Variants in ASH2L observed in about 807,000 individuals in gnomAD.
ASH2L encodes set1/Ash2 histone methyltransferase complex subunit ASH2.
In ASH2L, 30 loss-of-function variants were observed where a neutral mutation model predicts 81.1. The observed-to-expected ratio is 0.37, with a 90% confidence interval of 0.28 to 0.50. The LOEUF is 0.50. Among genes scored for constraint, ASH2L ranks in the 20% least tolerant of loss-of-function variants. The pLI is 0.95. For missense variants in ASH2L, 559 were observed against 792.1 expected (o/e 0.71, Z 3.53); for synonymous variants, 273 against 279.9 (o/e 0.98, Z 0.24).
At chr8:38,133,012 G>A (rs1182812204) in intron 12 of ASH2L, among the ~76,000 whole-genome samples, 2 of 151,896 alleles carry the variant, frequency 1.3e-5, no homozygotes, top group East Asian at 1.9e-4. Flanking sequence ...GCTTGAACCC[G>A]GGAGGCGGAG....
intron 9 of ASH2L, among the ~76,000 whole-genome samples, chr8:38,119,583 A>G (rs1207988215): frequency 6.6e-6 from 1 of 152,056 alleles, no homozygotes. Flanking sequence ...AGGAGGGTGG[A>G]TCACTTGAGG....
At chr8:38,115,830 A>G (rs1186542392) in intron 7 of ASH2L, among the ~76,000 whole-genome samples, 1 of 152,192 alleles carries the variant, frequency 6.6e-6, no homozygotes, top group African/African-American at 2.4e-5. Flanking sequence ...TTCTGAAACT[A>G]TTCTGATCCT....
intron 5 of ASH2L, 85 bp downstream of exon 5, chr8:38,110,918 C>A: frequency 2.6e-6 from 3 of 1,141,818 alleles, no homozygotes; most frequent in East Asian, 2.5e-5. Context: ...TACTTTCTTC[C>A]CAGTTTTTAT....
At chr8:38,131,365 A>G (rs572245488) in intron 12 of ASH2L, among the ~76,000 whole-genome samples, 1 of 152,324 alleles carries the variant, frequency 6.6e-6, no homozygotes, top group East Asian at 1.9e-4. Context: ...TAAAAAAAAA[A>G]ACAAATTTTT....
chr8:38,121,230 G>A (rs984615823), intron 10 of ASH2L, 81 bp downstream of exon 10: 4 of 1,280,072 alleles, frequency 3.1e-6, no homozygotes, highest in African/African-American at 1.5e-5. Flanking sequence ...AGAATTAGGT[G>A]TACATCTCAG....
chr8:38,131,931 C>T (rs986622006), intron 12 of ASH2L, among the ~76,000 whole-genome samples: 5 of 151,990 alleles, frequency 3.3e-5, no homozygotes, highest in Admixed American at 1.3e-4. Context: ...ATACTGCAGC[C>T]TCTGCCTCCC....
intron 1 of ASH2L, 116 bp downstream of exon 1, chr8:38,105,854 G>T: frequency 7.0e-7 from 1 of 1,437,018 alleles, no homozygotes; most frequent in Non-Finnish European, 9.1e-7. Flanking sequence ...GCCGCCAATG[G>T]CTCGCCCTGC....
rs773379734 is a variant in ASH2L at position 38,107,872 on chromosome 8, G to A, written c.401+706G>A. 9.3e-5 allele frequency among the ~76,000 whole-genome samples: 11 copies of A among 117,972 alleles called. No individual in the cohort carries two copies. The South Asian group carries it at 1.7e-3, about 18-fold the overall frequency. 77.4% of individuals were successfully genotyped at this position (117,972 alleles called of 152,430 possible). A position where few individuals can be genotyped will look rare whatever the true frequency, so the allele number is the denominator to read the frequency against. On this transcript the variant is annotated intron_variant, in intron 3 of 15. Coordinates refer to ENST00000343823, the MANE Select transcript of ASH2L (RefSeq NM_004674.5). ...AGATTGTGAAGAAATACATATATGT[G>A]TGTGTGTGTGTGTGTGTGTGTGTGT...
At chr8:38,113,739 G>A (rs1460847378) in intron 5 of ASH2L, among the ~76,000 whole-genome samples, 2 of 152,220 alleles carry the variant, frequency 1.3e-5, no homozygotes, top group Non-Finnish European at 2.9e-5. Flanking sequence ...GTTATCAGGA[G>A]CAAGAATAGA....
intron 3 of ASH2L, among the ~76,000 whole-genome samples, chr8:38,108,006 C>T (rs1810524173): frequency 1.3e-5 from 2 of 151,846 alleles, no homozygotes; most frequent in Admixed American, 1.3e-4. Flanking sequence ...AGGATCACAG[C>T]TTTCTGCAGC....
Position 38,139,816 on chromosome 8 carries a change from G to C in ASH2L, c.*745G>C, listed in dbSNP as rs1802403927. On this transcript the variant is annotated 3_prime_UTR_variant, in exon 16 of 16. Transcript: ENST00000343823. ...GGAGGAAGAGCCGGGTTTCTGAGTT[G>C]TGTTTTGGCTGCTTTCCTATTGCTC... is the stretch of plus-strand genomic sequence containing the variant. The C allele has an allele frequency of 6.6e-6, 1 of 152,190 alleles. No homozygotes were observed. The highest frequency in any genetic ancestry group is 1.5e-5 in the Non-Finnish European group (1 of 68,050). The allele number at this position is 152,190 out of a possible 1,614,324, so 9.4% of individuals were successfully genotyped here.
chr8:38,106,214 C>T (rs1020802213), intron 1 of ASH2L, 164 bp from the exon 2 acceptor site: 2 of 1,429,764 alleles, frequency 1.4e-6, no homozygotes, highest in Non-Finnish European at 1.9e-6. Context: ...TGTCCACCTT[C>T]TCAGTATCCT....
chr8:38,128,831 C>T lies in ASH2L; in HGVS notation c.1407C>T (p.His469=), dbSNP rs1372978967. The T allele has an allele frequency of 6.2e-7, 1 of 1,614,182 alleles. No individual in the cohort carries two copies. Among genetic ancestry groups the T allele is most frequent in the Admixed American group, 1.7e-5 (1 of 60,014 alleles). Reference sequence around the variant, plus strand: ...GGAGCAAAAAGGGAACCAAGTTCCACCAGTCCATTGGCAAACACTACTCTT... The same window carrying T: ...GGAGCAAAAAGGGAACCAAGTTCCATCAGTCCATTGGCAAACACTACTCTT... ...SWRSKKGTKF[H]QSIGKHYSSG... is the part of the protein sequence containing the mutation. Residue 469 remains histidine, a synonymous_variant, in exon 12 of 16, where the codon CAC becomes CAT. Transcript: ENST00000343823.
intron 2 of ASH2L, 106 bp downstream of exon 2, chr8:38,106,550 C>CA: frequency 2.0e-6 from 2 of 994,408 alleles, no homozygotes; most frequent in South Asian, 3.1e-5. Context: ...CTCTGTCGCC[C>CA]AGGCTGGAAT....
chr8:38,107,699 A>C (rs1332691951), intron 3 of ASH2L, among the ~76,000 whole-genome samples: 1 of 152,102 alleles, frequency 6.6e-6, no homozygotes, highest in African/African-American at 2.4e-5. Context: ...AGAATGAAAG[A>C]CTTTTTTCCT....
chr8:38,136,013 G>A lies in ASH2L; in HGVS notation c.1719+247G>A, dbSNP rs1370606264. Among the ~76,000 whole-genome samples the A allele has an allele frequency of 4.6e-5, 7 of 151,448 alleles. No individual in the cohort carries two copies. In the South Asian group the frequency reaches 8.3e-4, roughly 18 times the overall value. On this transcript the variant is annotated intron_variant, in intron 14 of 15. Coordinates refer to ENST00000343823, the MANE Select transcript of ASH2L (RefSeq NM_004674.5). ...CTTGAGCACGTGGTGTGGTGTTACCGTTCAGTAGGAAGGATATAAATACAC... is the reference window on the plus strand; with the variant it reads ...CTTGAGCACGTGGTGTGGTGTTACCATTCAGTAGGAAGGATATAAATACAC...
chr8:38,112,152 G>T (rs117920580), intron 5 of ASH2L, among the ~76,000 whole-genome samples: 3,296 of 152,164 alleles, frequency 0.022, 47 homozygotes, highest in Non-Finnish European at 0.033. Flanking sequence ...GATTCCAGGC[G>T]CATGCTACCA....
intron 8 of ASH2L, among the ~76,000 whole-genome samples, chr8:38,117,984 A>G (rs962637505): frequency 1.3e-5 from 2 of 152,154 alleles, no homozygotes; most frequent in Non-Finnish European, 2.9e-5. Flanking sequence ...GTTTGAACCC[A>G]GGAGGCAGAG....
chr8:38,133,572 G>C, intron 13 of ASH2L, 26 bp downstream of exon 13: 1 of 1,516,686 alleles, frequency 6.6e-7, no homozygotes, highest in Non-Finnish European at 9.0e-7. Context: ...AAGAACATTA[G>C]AATCATAAGG....
Sources: allele counts gnomAD v4.1 joint callset (sites outside exome capture counted in the v4.1 genomes callset), GRCh38; gene constraint gnomAD v4.1.1; transcripts MANE v1.5; gene names NCBI Gene and HGNC (gene_info 2026-07-23, HGNC 2026-07-21).